Variants in SV2C observed in about 807,000 individuals in gnomAD.
SV2C encodes synaptic vesicle glycoprotein 2C, also known as solute carrier family 22 member B3.
A neutral mutation model predicts 79.7 loss-of-function variants in SV2C; 49 were observed. The ratio of observed to expected loss-of-function variants is 0.61; its 90% CI spans 0.49 to 0.78. The LOEUF is 0.78. Ranked by LOEUF, SV2C falls within the 30% of genes least tolerant of loss-of-function variation. SV2C has a pLI of 0.00. For missense variants in SV2C, 833 were observed against 912.9 expected, an observed-to-expected ratio of 0.91 and a Z score of 1.13; for synonymous variants, 334 against 333.2, an observed-to-expected ratio of 1.00 and a Z score of -0.03.
At chr5:75,900,003 G>A in the SV2C span, among the ~76,000 whole-genome samples, 1 of 152,116 alleles carries the variant, frequency 6.6e-6, no homozygotes, top group Non-Finnish European at 1.5e-5. Flanking sequence ...ACACTGATGG[G>A]TCTTGACTCT....
chr5:76,138,275 G>A lies in SV2C; in HGVS notation c.580+5945G>A, dbSNP rs150180206. Among the ~76,000 whole-genome samples the A allele has an allele frequency of 4.6e-5, 7 of 152,258 alleles. No homozygotes were observed. In the East Asian group the frequency reaches 1.4e-3, roughly 29 times the overall value. Reference sequence around the variant, plus strand: ...TCTGGAACACATATACCAACTCTTAGTCCTATGTTCCTTTCCAGTTCCCTC... The same window carrying A: ...TCTGGAACACATATACCAACTCTTAATCCTATGTTCCTTTCCAGTTCCCTC... On this transcript the variant is annotated intron_variant, in intron 2 of 12. Transcript: ENST00000502798.
the SV2C span, among the ~76,000 whole-genome samples, chr5:75,885,128 A>G: frequency 6.6e-6 from 1 of 152,148 alleles, no homozygotes; most frequent in Non-Finnish European, 1.5e-5. Context: ...TCTTTGTGCA[A>G]AAGAAATTCT....
chr5:76,100,918 C>T (rs962737470), intron 1 of SV2C, among the ~76,000 whole-genome samples: 1 of 152,250 alleles, frequency 6.6e-6, no homozygotes, highest in African/African-American at 2.4e-5. Flanking sequence ...TGCATTGTCA[C>T]AACCAAAAAT....
downstream of SV2C, among the ~76,000 whole-genome samples, chr5:76,335,910 A>C (rs1749310707): frequency 6.6e-6 from 1 of 152,124 alleles, no homozygotes; most frequent in African/African-American, 2.4e-5. Flanking sequence ...CATTGTCATC[A>C]TGGCCCGTTC....
intron 7 of SV2C, 144 bp downstream of exon 7, chr5:76,291,475 T>C: frequency 3.1e-6 from 2 of 643,682 alleles, no homozygotes; most frequent in South Asian, 4.4e-5. Context: ...AGCCAGGTAA[T>C]TGGATCCCAC....
the SV2C span, among the ~76,000 whole-genome samples, chr5:76,062,501 T>C: frequency 6.6e-6 from 1 of 152,078 alleles, no homozygotes; most frequent in African/African-American, 2.4e-5. Flanking sequence ...ACTCCAGAAC[T>C]GTAAGAAATA....
At chr5:76,067,899 T>C in the SV2C span, among the ~76,000 whole-genome samples, 1 of 152,156 alleles carries the variant, frequency 6.6e-6, no homozygotes, top group Non-Finnish European at 1.5e-5. Flanking sequence ...ATTGCCAATA[T>C]GTAGAGTAGT....
At chr5:75,908,587 A>G in the SV2C span, among the ~76,000 whole-genome samples, 4 of 152,198 alleles carry the variant, frequency 2.6e-5, no homozygotes, top group African/African-American at 9.6e-5. Flanking sequence ...CTCTGGCCAT[A>G]TGGTAGGAAG....
chr5:76,226,271 T>G (rs1745235641), intron 4 of SV2C, among the ~76,000 whole-genome samples: 1 of 151,302 alleles, frequency 6.6e-6, no homozygotes, highest in African/African-American at 2.4e-5. Context: ...AAGACTGAGA[T>G]GGGCAACTTA....
the SV2C span, among the ~76,000 whole-genome samples, chr5:76,001,059 C>T: frequency 1.3e-5 from 2 of 148,332 alleles, no homozygotes; most frequent in Non-Finnish European, 3.0e-5. Flanking sequence ...AAGAGATGAA[C>T]AGTTGAGCTC....
chr5:76,226,690 A>G (rs547270522), intron 4 of SV2C, among the ~76,000 whole-genome samples: 1 of 152,336 alleles, frequency 6.6e-6, no homozygotes, highest in African/African-American at 2.4e-5. Context: ...GAAGTTTCAA[A>G]GCAAGGTATA....
chr5:76,334,878 T>TG (rs1187952646), downstream of SV2C, among the ~76,000 whole-genome samples: 1 of 152,162 alleles, frequency 6.6e-6, no homozygotes, highest in African/African-American at 2.4e-5. Context: ...CTGAAGCACA[T>TG]GGCTCCTGAC....
the SV2C span, among the ~76,000 whole-genome samples, chr5:76,005,839 CT>C: frequency 2.6e-5 from 4 of 152,170 alleles, no homozygotes; most frequent in Non-Finnish European, 1.5e-5. Context: ...CATTTTCATA[CT>C]TGAATTTTCC....
chr5:76,155,659 A>G (rs755155199), intron 2 of SV2C, among the ~76,000 whole-genome samples: 10 of 152,104 alleles, frequency 6.6e-5, no homozygotes, highest in Admixed American at 5.2e-4. Context: ...TGGGACCTAC[A>G]TTATCCTTGC....
chr5:76,007,177 G>T, the SV2C span, among the ~76,000 whole-genome samples: 2 of 152,014 alleles, frequency 1.3e-5, no homozygotes, highest in South Asian at 4.2e-4. Context: ...AGAATGTATT[G>T]CTAAAACATC....
the SV2C span, among the ~76,000 whole-genome samples, chr5:75,864,595 T>C: frequency 6.6e-6 from 1 of 152,180 alleles, no homozygotes; most frequent in Non-Finnish European, 1.5e-5. Context: ...GGCTCTGTGG[T>C]GTACCATGAA....
chr5:76,352,352 G>A (rs1200362046), intron 12 of SV2C, among the ~76,000 whole-genome samples: 2 of 152,244 alleles, frequency 1.3e-5, no homozygotes, highest in African/African-American at 4.8e-5. Flanking sequence ...AAGTTCACGT[G>A]TTGGAAACAT....
intron 4 of SV2C, among the ~76,000 whole-genome samples, chr5:76,250,851 C>CTCT (rs1008945135): frequency 1.3e-4 from 20 of 151,540 alleles, no homozygotes; most frequent in African/African-American, 4.8e-4. Flanking sequence ...TCTTGTGATT[C>CTCT]TCTTTTTATA....
chr5:76,061,268 T>TAAAAAAAAAAAAAAAA, the SV2C span, among the ~76,000 whole-genome samples: 1 of 51,618 alleles, frequency 1.9e-5, no homozygotes, highest in African/African-American at 8.9e-5. Flanking sequence ...CTTCAATTTG[T>TAAAAAAAAAAAAAAAA]AAAAAAAAAA....
Sources: allele counts gnomAD v4.1 joint callset (sites outside exome capture counted in the v4.1 genomes callset), GRCh38; gene constraint gnomAD v4.1.1; transcripts MANE v1.5; gene names NCBI Gene and HGNC (gene_info 2026-07-23, HGNC 2026-07-21).